The following CSNK1G1 variants were observed in gnomAD, a reference collection of about 807,000 sequenced individuals.
CSNK1G1 encodes casein kinase 1 gamma 1, also known as casein kinase I isoform gamma-1.
Under a neutral mutation model 59.6 loss-of-function variants are expected in CSNK1G1, and 22 were observed. The observed-to-expected ratio is 0.37, with a 90% CI of 0.26 to 0.53. The LOEUF is 0.53. Among genes scored for constraint, CSNK1G1 ranks in the 20% least tolerant of loss-of-function variants. The pLI is 0.89. For missense variants in CSNK1G1, 384 were observed against 519.5 expected, an observed-to-expected ratio of 0.74 and a Z score of 2.54; for synonymous variants, 179 against 177.1, an observed-to-expected ratio of 1.01 and a Z score of -0.08.
chr15:64,226,277 C>T (rs937956216), intron 4 of CSNK1G1, among the ~76,000 whole-genome samples: 8 of 151,956 alleles, frequency 5.3e-5, no homozygotes, highest in Non-Finnish European at 1.0e-4. Context: ...AAGACTAACT[C>T]GGCTGGGTGT....
At chr15:64,225,169 T>C (rs964882488) in intron 4 of CSNK1G1, among the ~76,000 whole-genome samples, 1 of 151,842 alleles carries the variant, frequency 6.6e-6, no homozygotes, top group African/African-American at 2.4e-5. Context: ...CCACCATGCC[T>C]GGCTAATTTT....
intron 2 of CSNK1G1, among the ~76,000 whole-genome samples, chr15:64,280,012 T>C (rs759820799): frequency 6.6e-6 from 1 of 150,662 alleles, no homozygotes; most frequent in African/African-American, 2.4e-5. Context: ...AAAATATCCA[T>C]AAACAAAATG....
chr15:64,259,600 T>A (rs1892587968), intron 2 of CSNK1G1, among the ~76,000 whole-genome samples: 1 of 151,972 alleles, frequency 6.6e-6, no homozygotes, highest in Non-Finnish European at 1.5e-5. Flanking sequence ...TCAAAGAGAT[T>A]TTAGCTCTTG....
intron 4 of CSNK1G1, among the ~76,000 whole-genome samples, chr15:64,246,169 T>C (rs1159032634): frequency 6.6e-6 from 1 of 152,212 alleles, no homozygotes; most frequent in East Asian, 1.9e-4. Context: ...TAATTACACA[T>C]AGATATGCAT....
intron 10 of CSNK1G1, among the ~76,000 whole-genome samples, chr15:64,201,694 A>T (rs1211336671): frequency 2.2e-5 from 3 of 136,684 alleles, no homozygotes; most frequent in Non-Finnish European, 4.7e-5. Flanking sequence ...TTGTGGGTGT[A>T]CTCCATTGGA....
chr15:64,343,236 C>CACACACACACACACACACACACA (rs1555405238), intron 1 of CSNK1G1, among the ~76,000 whole-genome samples: 73 of 150,798 alleles, frequency 4.8e-4, no homozygotes, highest in East Asian at 7.9e-4. Context: ...CACACACACA[C>CACACACACACACACACACACACA]CTCTTCTAAA....
chr15:64,172,910 G>A (rs903207601), intron 11 of CSNK1G1, among the ~76,000 whole-genome samples: 3 of 152,154 alleles, frequency 2.0e-5, no homozygotes, highest in Admixed American at 1.3e-4. Flanking sequence ...CTCTTGCTCA[G>A]GCAGTCCAGA....
intron 10 of CSNK1G1, among the ~76,000 whole-genome samples, chr15:64,202,653 G>A (rs538666008): frequency 1.3e-5 from 2 of 151,936 alleles, no homozygotes; most frequent in South Asian, 4.2e-4. Flanking sequence ...CCCGGGCTCA[G>A]GTGATTCTCC....
intron 1 of CSNK1G1, among the ~76,000 whole-genome samples, chr15:64,307,647 C>T (rs1375214414): frequency 2.6e-5 from 4 of 152,138 alleles, no homozygotes; most frequent in Admixed American, 2.0e-4. Flanking sequence ...CACTAAAGTA[C>T]GGGGACTTAT....
intron 2 of CSNK1G1, among the ~76,000 whole-genome samples, chr15:64,270,653 G>A (rs1309386309): frequency 2.0e-5 from 3 of 151,846 alleles, no homozygotes; most frequent in East Asian, 1.9e-4. Flanking sequence ...CCAGCTACTC[G>A]GGAGGCTAAG....
intron 4 of CSNK1G1, among the ~76,000 whole-genome samples, chr15:64,238,992 A>C (rs771668864): frequency 6.6e-6 from 1 of 151,906 alleles, no homozygotes; most frequent in Non-Finnish European, 1.5e-5. Context: ...CTACCAAAAA[A>C]CTCTATACCC....
At chr15:64,343,579 C>T (rs753012305) in intron 1 of CSNK1G1, among the ~76,000 whole-genome samples, 5 of 152,018 alleles carry the variant, frequency 3.3e-5, no homozygotes, top group African/African-American at 1.2e-4. Context: ...AATCTCCTTC[C>T]TGTCAGAATT....
chr15:64,246,648 G>A (rs1227600011), intron 4 of CSNK1G1, among the ~76,000 whole-genome samples: 3 of 144,524 alleles, frequency 2.1e-5, no homozygotes, highest in Non-Finnish European at 3.1e-5. Context: ...AAGGGGGGGG[G>A]GGAGGAATCT....
chr15:64,235,061 G>A (rs1158995558), intron 4 of CSNK1G1, among the ~76,000 whole-genome samples: 1 of 152,166 alleles, frequency 6.6e-6, no homozygotes, highest in Non-Finnish European at 1.5e-5. Context: ...CCCTAAGCAG[G>A]AGGAGGGTCA....
In CSNK1G1 at chr15:64,213,999, C is replaced by T. The variant is rs534210612; in HGVS notation, c.570G>A (p.Leu190=). ...EHVIHIIDFG[L]AKEYIDPETK... ...TTTCGGGGTCAATGTATTCCTTGGC[C>T]AGTCCAAAGTCTATAATGTGTATAA... The change falls in exon 6 of 12, where the codon CTG becomes CTA. Residue 190 remains leucine (L), a synonymous_variant. Transcript: ENST00000303052. The T allele has an allele frequency of 1.2e-5, 20 of 1,614,060 alleles. No homozygotes were observed. In the African/African-American group the frequency reaches 2.3e-4, roughly 18 times the overall value.
chr15:64,261,584 G>A (rs1030824687), intron 2 of CSNK1G1, among the ~76,000 whole-genome samples: 1 of 151,706 alleles, frequency 6.6e-6, no homozygotes, highest in Non-Finnish European at 1.5e-5. Context: ...ATGGGAGAGA[G>A]GAACAAAACT....
intron 4 of CSNK1G1, among the ~76,000 whole-genome samples, chr15:64,248,226 T>A (rs1417970135): frequency 6.6e-6 from 1 of 152,176 alleles, no homozygotes; most frequent in Non-Finnish European, 1.5e-5. Flanking sequence ...GGGGGAGGAA[T>A]GCTGTGCCTC....
At chr15:64,350,425 C>T (rs549891525) in intron 1 of CSNK1G1, among the ~76,000 whole-genome samples, 4 of 151,658 alleles carry the variant, frequency 2.6e-5, no homozygotes, top group East Asian at 1.9e-4. Context: ...GGCGTGAACC[C>T]GGGAGATGGA....
Position 64,300,523 on chromosome 15 carries a change from A to G in CSNK1G1, c.-24T>C, listed in dbSNP as rs1895270216. On this transcript the variant is annotated 5_prime_UTR_variant, in exon 2 of 12. Transcript: ENST00000303052. ...ATGATCCTACAGGACAGAGTCTCCTATAGTACAGCAAGTAGCTTCAGTATG... is the reference window on the plus strand; with the variant it reads ...ATGATCCTACAGGACAGAGTCTCCTGTAGTACAGCAAGTAGCTTCAGTATG... 6.2e-7 allele frequency: 1 copy of G among 1,602,684 alleles called. No homozygotes were observed. Among genetic ancestry groups the G allele is most frequent in the South Asian group, 1.1e-5 (1 of 89,920 alleles).
Sources: allele counts gnomAD v4.1 joint callset (sites outside exome capture counted in the v4.1 genomes callset), GRCh38; gene constraint gnomAD v4.1.1; transcripts MANE v1.5; gene names NCBI Gene and HGNC (gene_info 2026-07-23, HGNC 2026-07-21).